The following SBNO2 variants were observed in gnomAD, a reference collection of about 807,000 sequenced individuals.
SBNO2 encodes protein strawberry notch homolog 2.
A neutral mutation model predicts 146.3 loss-of-function variants in SBNO2; 89 were observed. The observed-to-expected ratio is 0.61, with a 90% confidence interval of 0.51 to 0.73. The LOEUF (loss-of-function observed/expected upper bound fraction) is 0.73, where lower values mean the gene tolerates loss of function less well. SBNO2 is among the 30% of genes least tolerant of loss of function. SBNO2 has a pLI of 0.00. For missense variants in SBNO2, 2,092 were observed against 2,003.7 expected (o/e 1.04, Z -0.84); for synonymous variants, 1,147 against 892.6 (o/e 1.29, Z -5.08).
rs1360014811 is a variant in SBNO2, at chr19:1,164,954, C to CAGGAGGAGG, written c.-127+9209_-127+9217dup. Among the ~76,000 whole-genome samples, 14 of 49,826 alleles carry CAGGAGGAGG rather than the reference C, an allele frequency of 2.8e-4. 1 individual carries two copies. The highest frequency in any genetic ancestry group is 1.1e-3 in the African/African-American group (13 of 12,334). 32.7% of individuals were successfully genotyped at this position (49,826 alleles called of 152,430 possible). A position where few individuals can be genotyped will look rare whatever the true frequency, so the allele number is the denominator to read the frequency against. On this transcript the variant is annotated intron_variant, in intron 1 of 31. Coordinates refer to ENST00000361757, the MANE Select transcript of SBNO2 (RefSeq NM_014963.3). ...GGCACAGGAGGAGGAGGAGGAGGAACAGGAGGAGGAGGAGGAACAGGAGGA... is the reference window on the plus strand; with the variant it reads ...GGCACAGGAGGAGGAGGAGGAGGAACAGGAGGAGGAGGAGGAGGAGGAGGAACAGGAGGA...
At chr19:1,148,450 T>G (rs1471540785) in intron 3 of SBNO2, among the ~76,000 whole-genome samples, 1 of 147,362 alleles carries the variant, frequency 6.8e-6, no homozygotes, top group African/African-American at 2.5e-5. Flanking sequence ...GCTGCTGCCC[T>G]CTGTGGGAAA....
At chr19:1,129,850 C>T (rs575067321) in intron 4 of SBNO2, among the ~76,000 whole-genome samples, 1 of 152,270 alleles carries the variant, frequency 6.6e-6, no homozygotes, top group African/African-American at 2.4e-5. Flanking sequence ...CCAGTCCTTC[C>T]CCGGAGCTCA....
At position 1,144,925 on chromosome 19, in the gene SBNO2, GAGAC is replaced by G. The variant is rs1467440511; in HGVS notation, c.279+2380_279+2383del. Among the ~76,000 whole-genome samples, 2 of 150,758 alleles carry G rather than the reference GAGAC, an allele frequency of 1.3e-5. No individual in the cohort carries two copies. Among genetic ancestry groups the G allele is most frequent in the African/African-American group, 4.9e-5 (2 of 40,826 alleles). On this transcript the variant is annotated intron_variant, in intron 4 of 31. Coordinates refer to ENST00000361757, the MANE Select transcript of SBNO2 (RefSeq NM_014963.3). The surrounding 1 kb of genome is among the most constrained non-coding windows in gnomAD (Gnocchi z 4.1). ...AGGCGGAGATGGAGACAGAGACAGA[GAGAC>G]AGAGACAGAGAGGGAGACAGAGACA...
At chr19:1,125,768 C>T (rs1190830731) in intron 5 of SBNO2, among the ~76,000 whole-genome samples, 7 of 151,932 alleles carry the variant, frequency 4.6e-5, no homozygotes, top group Non-Finnish European at 7.4e-5. Flanking sequence ...GCAGAACGGG[C>T]GAGATCTTTT....
At chr19:1,142,003 A>T (rs1220922849) in intron 4 of SBNO2, among the ~76,000 whole-genome samples, 1 of 97,470 alleles carries the variant, frequency 1.0e-5, no homozygotes, top group Non-Finnish European at 2.2e-5. Flanking sequence ...TGTGAAGTGA[A>T]GACCACCAGG....
intron 1 of SBNO2, among the ~76,000 whole-genome samples, chr19:1,169,624 C>T (rs985234159): frequency 1.3e-5 from 2 of 152,186 alleles, no homozygotes; most frequent in Non-Finnish European, 2.9e-5. Flanking sequence ...TGCCGTCCTA[C>T]GGGTTGAGAC....
chr19:1,121,646 C>T (rs969654996), intron 11 of SBNO2, among the ~76,000 whole-genome samples: 1 of 152,202 alleles, frequency 6.6e-6, no homozygotes, highest in Non-Finnish European at 1.5e-5. Context: ...CTCCGAACCG[C>T]AGCCTGCCGA....
At chr19:1,148,421 C>T (rs898764110) in intron 3 of SBNO2, among the ~76,000 whole-genome samples, 3 of 151,906 alleles carry the variant, frequency 2.0e-5, no homozygotes, top group Admixed American at 1.3e-4. Flanking sequence ...CTCCTACCCC[C>T]CCTGCAGAAC....
chr19:1,135,675 G>A (rs2080078787), intron 4 of SBNO2, among the ~76,000 whole-genome samples: 2 of 152,232 alleles, frequency 1.3e-5, no homozygotes, highest in African/African-American at 4.8e-5. Flanking sequence ...CTGACCGAGG[G>A]CTCCGTGTAA....
At chr19:1,146,969 G>A (rs1011862246) in intron 4 of SBNO2, among the ~76,000 whole-genome samples, 2 of 152,262 alleles carry the variant, frequency 1.3e-5, no homozygotes, top group Non-Finnish European at 1.5e-5. Flanking sequence ...GTCTGGACCC[G>A]CCTAGAGGGA....
At chr19:1,151,903 T>C (rs1443580816) in intron 2 of SBNO2, among the ~76,000 whole-genome samples, 1 of 152,220 alleles carries the variant, frequency 6.6e-6, no homozygotes. Context: ...CCCCAAGCAA[T>C]GTGCCCACCT....
chr19:1,172,163 C>T (rs536781275), intron 1 of SBNO2, among the ~76,000 whole-genome samples: 2 of 152,296 alleles, frequency 1.3e-5, no homozygotes, highest in African/African-American at 2.4e-5. Context: ...GCTCTGAAAT[C>T]ACACTCCAGG....
Position 1,119,937 on chromosome 19 carries a change from G to A in SBNO2, c.1236C>T (p.Pro412=). The A allele has an allele frequency of 6.5e-7, 1 of 1,549,680 alleles. No homozygotes were observed. Among genetic ancestry groups the A allele is most frequent in the South Asian group, 1.2e-5 (1 of 84,072 alleles). ...CGCTGGCGTAGACCACGCGGGCCAGGGGCAGCTTGTTCTGCAGGTCTAGCA... is the reference window on the plus strand; with the variant it reads ...CGCTGGCGTAGACCACGCGGGCCAGAGGCAGCTTGTTCTGCAGGTCTAGCA... The part of the protein sequence containing the change: ...KAVLDLQNKL[P]LARVVYASAT... The change falls in exon 12 of 32, where the codon CCC becomes CCT. Residue 412 remains proline (P), a synonymous_variant. Transcript: ENST00000361757.
chr19:1,163,263 G>A (rs984522100), intron 1 of SBNO2, among the ~76,000 whole-genome samples: 1 of 152,224 alleles, frequency 6.6e-6, no homozygotes, highest in Non-Finnish European at 1.5e-5. Flanking sequence ...AAAGAGGAAC[G>A]TGGACACCCA....
chr19:1,113,479 C>A, intron 19 of SBNO2, 56 bp downstream of exon 19: 2 of 1,424,970 alleles, frequency 1.4e-6, no homozygotes, highest in Non-Finnish European at 1.9e-6. Context: ...CTGCGTGAAG[C>A]CCCACCCACT....
chr19:1,152,173 G>A (rs1181677344), intron 2 of SBNO2, among the ~76,000 whole-genome samples: 1 of 152,202 alleles, frequency 6.6e-6, no homozygotes, highest in Non-Finnish European at 1.5e-5. Flanking sequence ...CCTGTGGCTG[G>A]TGTCCAGTGC....
intron 1 of SBNO2, among the ~76,000 whole-genome samples, chr19:1,162,081 G>T (rs970107430): frequency 6.7e-6 from 1 of 149,558 alleles, no homozygotes; most frequent in Non-Finnish European, 1.5e-5. Context: ...GGGCTCCTTT[G>T]TGGGGGACAC....
chr19:1,119,222 CG>C, intron 13 of SBNO2, 58 bp from the exon 14 acceptor site: 1 of 1,539,878 alleles, frequency 6.5e-7, no homozygotes, highest in Non-Finnish European at 8.7e-7. Flanking sequence ...TGGAGCCACT[CG>C]GAGCGCGAGG....
intron 4 of SBNO2, among the ~76,000 whole-genome samples, chr19:1,141,161 C>T (rs1021075396): frequency 1.8e-4 from 27 of 151,070 alleles, no homozygotes; most frequent in African/African-American, 4.9e-4. Flanking sequence ...CGGGGGCAAG[C>T]GCAGAGGCTG....
Sources: gnomAD v4.1 joint callset for allele counts (sites outside exome capture counted in the v4.1 genomes callset) on GRCh38, gnomAD v4.1.1 for gene constraint, Gnocchi (gnomAD v3.1) non-coding constraint, MANE v1.5 for transcripts, NCBI Gene and HGNC (gene_info 2026-07-23, HGNC 2026-07-21) for gene names.